AUTS2: variants seen among roughly 807,000 people sequenced by gnomAD.
AUTS2 encodes the protein autism susceptibility gene 2 protein.
AUTS2 carries 17 observed loss-of-function variants against 112.4 expected under a neutral mutation model. The ratio of observed to expected loss-of-function variants is 0.15; its 90% CI spans 0.10 to 0.23. The LOEUF (loss-of-function observed/expected upper bound fraction) is 0.23, where lower values mean the gene tolerates loss of function less well. AUTS2 is among the 10% of genes least tolerant of loss of function. AUTS2 has a pLI of 1.00. For missense variants in AUTS2, 1,510 were observed against 1,701.6 expected, an observed-to-expected ratio of 0.89 and a Z score of 1.98; for synonymous variants, 751 against 702.7, an observed-to-expected ratio of 1.07 and a Z score of -1.09.
At chr7:70,662,916 T>C (rs1056306040) in intron 5 of AUTS2, among the ~76,000 whole-genome samples, 2 of 152,236 alleles carry the variant, frequency 1.3e-5, no homozygotes, top group Admixed American at 6.5e-5. Flanking sequence ...AACCTAGTTG[T>C]GGAAGAAAAG....
intron 2 of AUTS2, among the ~76,000 whole-genome samples, chr7:69,915,229 T>C (rs1169740802): frequency 1.3e-5 from 2 of 152,224 alleles, no homozygotes; most frequent in African/African-American, 2.4e-5. Flanking sequence ...ATTGTTTCTT[T>C]CTTATTGTGC....
At chr7:70,411,762 G>A (rs1794786591) in intron 4 of AUTS2, among the ~76,000 whole-genome samples, 1 of 152,074 alleles carries the variant, frequency 6.6e-6, no homozygotes, top group East Asian at 1.9e-4. Flanking sequence ...CAGACCATAG[G>A]GGAATATAGA....
intron 4 of AUTS2, among the ~76,000 whole-genome samples, chr7:70,397,503 A>AT (rs1479931324): frequency 6.6e-6 from 1 of 152,126 alleles, no homozygotes; most frequent in Non-Finnish European, 1.5e-5. Flanking sequence ...AACTTTCTAT[A>AT]TAAATCTTTT....
chr7:69,872,831 A>ATTTT (rs1793558367), intron 1 of AUTS2, among the ~76,000 whole-genome samples: 5 of 90,530 alleles, frequency 5.5e-5, no homozygotes, highest in Admixed American at 1.1e-4. Context: ...TGTAGCCTAT[A>ATTTT]TTCTTTTTTT....
chr7:69,921,327 GT>G (rs11289784), intron 2 of AUTS2, among the ~76,000 whole-genome samples: 61,532 of 89,994 alleles, frequency 0.68, 20,665 homozygotes, highest in Admixed American at 0.76. Context: ...TAGACTTGAA[GT>G]TTTTTTTTTT....
intron 2 of AUTS2, among the ~76,000 whole-genome samples, chr7:69,925,244 CTGT>C (rs770787382): frequency 9.9e-5 from 15 of 151,886 alleles, no homozygotes; most frequent in Non-Finnish European, 1.0e-4. Context: ...TGATTTTTCT[CTGT>C]TGTTTTATAT....
chr7:69,726,045 G>A (rs542764620), intron 1 of AUTS2, among the ~76,000 whole-genome samples: 1 of 152,106 alleles, frequency 6.6e-6, no homozygotes, highest in East Asian at 1.9e-4. Context: ...CTTTTTTTTA[G>A]GATATTGTTT....
rs896772357 is a variant in AUTS2, at chr7:70,050,334, C to T, written c.523-67798C>T. Among the ~76,000 whole-genome samples the T allele has an allele frequency of 7.9e-5, 9 of 113,312 alleles. No homozygotes were observed. In the Admixed American group the frequency reaches 1.2e-3, roughly 16 times the overall value. The allele number at this position is 113,312 out of a possible 152,430, so 74.3% of individuals were successfully genotyped here. A position where few individuals can be genotyped will look rare whatever the true frequency, so the allele number is the denominator to read the frequency against. ...ATCGAGCCACTGCAATCCAGCCTGG[C>T]GACAGAGCAAGACTCTGTCTCAAAA... is the stretch of plus-strand genomic sequence containing the variant. On this transcript the variant is annotated intron_variant, in intron 2 of 18. Transcript: ENST00000342771.
chr7:70,775,324 G>T (rs1034249332), intron 12 of AUTS2, 33 bp from the exon 13 acceptor site: 19 of 1,599,504 alleles, frequency 1.2e-5, no homozygotes, highest in Non-Finnish European at 1.5e-5. Flanking sequence ...TGAGTGACAG[G>T]CATGTAACCA....
intron 5 of AUTS2, among the ~76,000 whole-genome samples, chr7:70,532,347 T>C (rs1377237515): frequency 6.6e-6 from 1 of 152,170 alleles, no homozygotes; most frequent in African/African-American, 2.4e-5. Flanking sequence ...GAGGTTTCCT[T>C]CTCTTCATAA....
At chr7:69,864,607 A>C (rs1260679198) in intron 1 of AUTS2, among the ~76,000 whole-genome samples, 1 of 152,242 alleles carries the variant, frequency 6.6e-6, no homozygotes, top group Non-Finnish European at 1.5e-5. Flanking sequence ...ACTGGTTGGC[A>C]TACTAAGTGG....
chr7:70,121,239 A>C (rs1805667002), intron 3 of AUTS2, among the ~76,000 whole-genome samples: 1 of 152,206 alleles, frequency 6.6e-6, no homozygotes, highest in African/African-American at 2.4e-5. Context: ...GAACACCATA[A>C]AACTCTTAGA....
chr7:70,747,941 C>G (rs556999719), intron 6 of AUTS2, among the ~76,000 whole-genome samples: 1 of 151,218 alleles, frequency 6.6e-6, no homozygotes, highest in Non-Finnish European at 1.5e-5. Context: ...CCTGCCTCAG[C>G]GTCCCCAGTA....
At chr7:70,115,257 A>T (rs1562708340) in intron 2 of AUTS2, among the ~76,000 whole-genome samples, 1 of 152,234 alleles carries the variant, frequency 6.6e-6, no homozygotes, top group Non-Finnish European at 1.5e-5. Context: ...CCAGTTGGAT[A>T]TTAGGAAAAG....
intron 5 of AUTS2, among the ~76,000 whole-genome samples, chr7:70,556,190 C>T (rs550982242): frequency 6.6e-5 from 10 of 151,646 alleles, no homozygotes; most frequent in East Asian, 3.9e-4. Context: ...GAGAGAGGGG[C>T]GATGCCACAC....
At chr7:69,743,125 G>A (rs1234382180) in intron 1 of AUTS2, among the ~76,000 whole-genome samples, 1 of 152,146 alleles carries the variant, frequency 6.6e-6, no homozygotes, top group Non-Finnish European at 1.5e-5. Context: ...CCTGAAAATT[G>A]TTTGCTCTGG....
chr7:70,628,314 C>CTATATATATATATACATATATATATAG (rs1379139113), intron 5 of AUTS2, among the ~76,000 whole-genome samples: 1 of 59,602 alleles, frequency 1.7e-5, no homozygotes, highest in African/African-American at 8.3e-5. Flanking sequence ...ATTTGCAAAA[C>CTATATATATATATACATATATATATAG]TATATATATA....
chr7:70,343,483 A>G (rs931732629), intron 4 of AUTS2, among the ~76,000 whole-genome samples: 1 of 152,246 alleles, frequency 6.6e-6, no homozygotes, highest in Non-Finnish European at 1.5e-5. Flanking sequence ...ATGGATGGAA[A>G]GACACTATCT....
chr7:70,751,090 C>G (rs1788811238), intron 6 of AUTS2, among the ~76,000 whole-genome samples: 1 of 152,130 alleles, frequency 6.6e-6, no homozygotes, highest in East Asian at 1.9e-4. Context: ...CAAAACACCC[C>G]AAAATCGTTG....
Sources: gnomAD v4.1 joint callset for allele counts (sites outside exome capture counted in the v4.1 genomes callset) on GRCh38, gnomAD v4.1.1 for gene constraint, MANE v1.5 for transcripts, NCBI Gene and HGNC (gene_info 2026-07-23, HGNC 2026-07-21) for gene names.